The following ROR1 variants were observed in gnomAD, a reference collection of about 807,000 sequenced individuals.
The protein encoded by ROR1 is ROR family WNT receptor 1.
ROR1 carries 19 observed loss-of-function variants against 78.8 expected under a neutral mutation model. The ratio of observed to expected loss-of-function variants is 0.24; its 90% confidence interval spans 0.17 to 0.35. The LOEUF (loss-of-function observed/expected upper bound fraction) is 0.35. ROR1 is among the 10% of genes least tolerant of loss of function. The probability of loss-of-function intolerance (pLI) is 1.00; values close to 1 mark genes in which losing one functional copy is unlikely to be tolerated. For missense variants in ROR1, 917 were observed against 1,177.8 expected, an observed-to-expected ratio of 0.78 and a Z score of 3.24; for synonymous variants, 386 against 433.6, an observed-to-expected ratio of 0.89 and a Z score of 1.36.
At chr1:63,945,549 C>T (rs1645880244) in intron 1 of ROR1, among the ~76,000 whole-genome samples, 1 of 152,100 alleles carries the variant, frequency 6.6e-6, no homozygotes, top group Non-Finnish European at 1.5e-5. Context: ...ATGTTGTTTC[C>T]TTCTAGTACC....
intron 4 of ROR1, among the ~76,000 whole-genome samples, chr1:64,098,745 T>C (rs1451052036): frequency 1.3e-5 from 2 of 152,194 alleles, no homozygotes; most frequent in East Asian, 3.9e-4. Flanking sequence ...TCATCCCAGC[T>C]GACTGTGGGG....
intron 7 of ROR1, among the ~76,000 whole-genome samples, chr1:64,156,426 A>C (rs1649773344): frequency 6.6e-6 from 1 of 152,196 alleles, no homozygotes; most frequent in African/African-American, 2.4e-5. Flanking sequence ...TTTACCTGTA[A>C]CAGTGTATAA....
At chr1:63,862,852 A>G (rs1645190642) in intron 1 of ROR1, among the ~76,000 whole-genome samples, 3 of 152,214 alleles carry the variant, frequency 2.0e-5, no homozygotes, top group Admixed American at 1.3e-4. Context: ...ATTAAGTGAT[A>G]ATGTACAAAG....
chr1:64,013,048 C>T (rs1341099404), intron 2 of ROR1, among the ~76,000 whole-genome samples: 1 of 152,164 alleles, frequency 6.6e-6, no homozygotes, highest in Non-Finnish European at 1.5e-5. Context: ...GCCTCTCAAC[C>T]TATCTGCTTT....
At chr1:63,930,609 CCT>C (rs887568946) in intron 1 of ROR1, among the ~76,000 whole-genome samples, 2 of 152,152 alleles carry the variant, frequency 1.3e-5, no homozygotes, top group Admixed American at 6.6e-5. Flanking sequence ...AGGTACGACT[CCT>C]CTTGTTCATG....
intron 1 of ROR1, among the ~76,000 whole-genome samples, chr1:63,980,443 G>A (rs371935253): frequency 3.3e-5 from 5 of 152,246 alleles, no homozygotes; most frequent in African/African-American, 1.2e-4. Context: ...GTTCATTTTT[G>A]TGCTCCTGCC....
At chr1:63,938,560 CAGGGGGAGT>C (rs1043531793) in intron 1 of ROR1, among the ~76,000 whole-genome samples, 4 of 152,180 alleles carry the variant, frequency 2.6e-5, no homozygotes, top group African/African-American at 9.7e-5. Context: ...CAGTGCCTTG[CAGGGGGAGT>C]TGCTTCACAA....
intron 6 of ROR1, 48 bp downstream of exon 6, chr1:64,140,474 C>T: frequency 6.4e-7 from 1 of 1,557,808 alleles, no homozygotes; most frequent in African/African-American, 1.4e-5. Context: ...GGTCAGCAAC[C>T]TGTTGGCACA....
At chr1:63,942,140 A>T (rs1201065437) in intron 1 of ROR1, among the ~76,000 whole-genome samples, 1 of 152,148 alleles carries the variant, frequency 6.6e-6, no homozygotes, top group African/African-American at 2.4e-5. Context: ...TATAGAATGA[A>T]TGGTGGGAAA....
chr1:63,778,519 C>G (rs1445066049), intron 1 of ROR1, among the ~76,000 whole-genome samples: 1 of 152,194 alleles, frequency 6.6e-6, no homozygotes, highest in Admixed American at 6.5e-5. Flanking sequence ...TTCCCTTCCA[C>G]CAGGCAGGCT....
intron 5 of ROR1, among the ~76,000 whole-genome samples, chr1:64,138,241 G>A (rs72916962): frequency 0.018 from 2,710 of 152,150 alleles, 97 homozygotes; most frequent in African/African-American, 0.062. Flanking sequence ...CATTCACATT[G>A]TCTTCATGAC....
At chr1:63,818,372 C>A (rs1056407673) in intron 1 of ROR1, among the ~76,000 whole-genome samples, 1 of 152,196 alleles carries the variant, frequency 6.6e-6, no homozygotes, top group African/African-American at 2.4e-5. Flanking sequence ...TTTTTTCCTA[C>A]AAATATTGTA....
intron 4 of ROR1, among the ~76,000 whole-genome samples, chr1:64,115,277 G>A (rs1416724911): frequency 2.6e-5 from 4 of 152,020 alleles, no homozygotes; most frequent in South Asian, 2.1e-4. Context: ...GTGCAGTGGT[G>A]CAATCATAGC....
At chr1:64,144,493 G>A (rs1009841016) in intron 7 of ROR1, among the ~76,000 whole-genome samples, 4 of 152,178 alleles carry the variant, frequency 2.6e-5, no homozygotes, top group East Asian at 1.9e-4. Context: ...TCTGGGTCAG[G>A]GGCAGTAGCC....
chr1:64,037,085 G>GT (rs1307227812), intron 2 of ROR1, among the ~76,000 whole-genome samples: 1 of 152,140 alleles, frequency 6.6e-6, no homozygotes, highest in Non-Finnish European at 1.5e-5. Flanking sequence ...ATTGCCTCAA[G>GT]TTTTTTTAAA....
chr1:63,964,654 C>A (rs1358577074), intron 1 of ROR1, among the ~76,000 whole-genome samples: 1 of 152,206 alleles, frequency 6.6e-6, no homozygotes, highest in African/African-American at 2.4e-5. Context: ...GATTAATATG[C>A]CACTTTATCA....
chr1:63,973,437 G>A (rs1382861018), intron 1 of ROR1, among the ~76,000 whole-genome samples: 1 of 152,162 alleles, frequency 6.6e-6, no homozygotes, highest in African/African-American at 2.4e-5. Flanking sequence ...GTCCCAGTGG[G>A]AAGATAGAGA....
At chr1:63,945,900 A>G (rs11208322) in intron 1 of ROR1, among the ~76,000 whole-genome samples, 49,541 of 152,164 alleles carry the variant, frequency 0.33, 11,803 homozygotes, top group African/African-American at 0.68. Context: ...TGATAATTTT[A>G]GTCCCTCTAC....
At chr1:63,843,475 C>T in intron 1 of ROR1, 1 of 770,202 alleles carries the variant, frequency 1.3e-6, no homozygotes, top group Non-Finnish European at 2.3e-6. Flanking sequence ...AGCATCCTGA[C>T]AAAGGTGGTG....
Sources: allele counts gnomAD v4.1 joint callset (sites outside exome capture counted in the v4.1 genomes callset), GRCh38; gene constraint gnomAD v4.1.1; transcripts MANE v1.5; gene names NCBI Gene and HGNC (gene_info 2026-07-23, HGNC 2026-07-21).